Variants in TARS3 observed in about 807,000 individuals in gnomAD.
TARS3 encodes the protein threonyl-tRNA synthetase 3.
TARS3 carries 94 observed loss-of-function variants against 103.5 expected under a neutral mutation model. That is an observed-to-expected ratio of 0.91 (90% confidence interval 0.77 to 1.08). The LOEUF (loss-of-function observed/expected upper bound fraction) is 1.08, where lower values mean the gene tolerates loss of function less well. Among genes scored for constraint, TARS3 ranks in the 50% least tolerant of loss-of-function variants. The probability of loss-of-function intolerance (pLI) is 0.00; values close to 1 mark genes in which losing one functional copy is unlikely to be tolerated. For synonymous variants in TARS3, 416 were observed against 355.4 expected (o/e 1.17, Z -1.92); for missense variants, 952 against 995.2 (o/e 0.96, Z 0.58).
chr15:101,706,319 A>G (rs116619025), intron 6 of TARS3, among the ~76,000 whole-genome samples: 1 of 152,224 alleles, frequency 6.6e-6, no homozygotes, highest in African/African-American at 2.4e-5. Context: ...GAAGATGTGC[A>G]GTGAGTATAA....
chr15:101,657,742 T>C (rs1420765828), intron 17 of TARS3, 43 bp downstream of exon 17: 1 of 1,346,920 alleles, frequency 7.4e-7, no homozygotes, highest in Non-Finnish European at 1.0e-6. Context: ...CTACACAGAA[T>C]ACATGCAAGA....
chr15:101,683,122 CTCTT>C (rs1362183013), intron 12 of TARS3, among the ~76,000 whole-genome samples: 2 of 152,026 alleles, frequency 1.3e-5, no homozygotes, highest in African/African-American at 4.8e-5. Flanking sequence ...TTCTGCTCTG[CTCTT>C]TCTTATTTTC....
In TARS3 at chr15:101,655,312, G is replaced by C. The variant is rs578894; in HGVS notation, c.2261-582C>G. Among the ~76,000 whole-genome samples, 642 of 78,542 alleles carry C rather than the reference G, an allele frequency of 8.2e-3. 8 individuals are homozygous for C. Among genetic ancestry groups the C allele is most frequent in the African/African-American group, 0.013 (230 of 17,260 alleles). The allele number at this position is 78,542 out of a possible 152,430, so 51.5% of individuals were successfully genotyped here. ...CCTGGCACTAGGGCGCAGATGAGAGGGGGGAGCTCTTACAGGCTCACACTG... is the reference window on the plus strand; with the variant it reads ...CCTGGCACTAGGGCGCAGATGAGAGCGGGGAGCTCTTACAGGCTCACACTG... On this transcript the variant is annotated intron_variant, in intron 18 of 18. Transcript: ENST00000335968.
chr15:101,655,418 A>G (rs1395486105), intron 18 of TARS3, among the ~76,000 whole-genome samples: 34 of 123,184 alleles, frequency 2.8e-4, no homozygotes, highest in African/African-American at 6.3e-4. Context: ...CTAGGGCGCA[A>G]ATGAGAGCGG....
intron 3 of TARS3, among the ~76,000 whole-genome samples, chr15:101,716,783 G>A (rs958898691): frequency 5.3e-5 from 8 of 151,572 alleles, no homozygotes; most frequent in African/African-American, 1.7e-4. Context: ...TACTAGCAGA[G>A]TTACAAGAGT....
At chr15:101,702,681 G>A (rs1899343322) in intron 8 of TARS3, among the ~76,000 whole-genome samples, 1 of 152,168 alleles carries the variant, frequency 6.6e-6, no homozygotes, top group African/African-American at 2.4e-5. Context: ...GGGGCAGGAG[G>A]ACTGTTTGAG....
chr15:101,715,110 C>A, intron 3 of TARS3, 147 bp from the exon 4 acceptor site: 2 of 678,074 alleles, frequency 2.9e-6, no homozygotes, highest in Non-Finnish European at 4.3e-6. Flanking sequence ...TCTTGTTTTG[C>A]AATATTTATT....
chr15:101,691,817 TCCC>T, intron 10 of TARS3, among the ~76,000 whole-genome samples: 1 of 150,922 alleles, frequency 6.6e-6, no homozygotes, highest in East Asian at 2.0e-4. Context: ...TTGATCTATA[TCCC>T]CCCATTTCTT....
chr15:101,715,976 T>C (rs1900136378), intron 3 of TARS3, among the ~76,000 whole-genome samples: 1 of 152,248 alleles, frequency 6.6e-6, no homozygotes, highest in Non-Finnish European at 1.5e-5. Flanking sequence ...TGGTTCATGC[T>C]TACAAGCTAT....
chr15:101,708,004 G>T (rs1229581143), intron 6 of TARS3, among the ~76,000 whole-genome samples: 2 of 152,026 alleles, frequency 1.3e-5, no homozygotes, highest in African/African-American at 2.4e-5. Flanking sequence ...AGCACTTTAG[G>T]AGGCTGAGGG....
intron 4 of TARS3, among the ~76,000 whole-genome samples, chr15:101,713,263 G>C (rs932304546): frequency 1.3e-5 from 2 of 152,188 alleles, no homozygotes; most frequent in African/African-American, 4.8e-5. Flanking sequence ...GAAGGCCTGT[G>C]TGACTAACAC....
intron 13 of TARS3, among the ~76,000 whole-genome samples, chr15:101,674,203 A>G (rs1394898913): frequency 6.6e-6 from 1 of 152,158 alleles, no homozygotes; most frequent in East Asian, 1.9e-4. Flanking sequence ...TATCAAATCA[A>G]CTATGCAGTA....
At chr15:101,692,874 C>T (rs1050244799) in intron 10 of TARS3, among the ~76,000 whole-genome samples, 2 of 152,196 alleles carry the variant, frequency 1.3e-5, no homozygotes, top group African/African-American at 2.4e-5. Context: ...TGTTTTGAGG[C>T]CTGCCATGTT....
intron 10 of TARS3, among the ~76,000 whole-genome samples, chr15:101,689,188 G>A (rs902330642): frequency 6.6e-6 from 1 of 152,134 alleles, no homozygotes; most frequent in African/African-American, 2.4e-5. Flanking sequence ...CAATTACTGG[G>A]AGAAGTCGTA....
chr15:101,716,924 T>C (rs1596329975), intron 3 of TARS3, among the ~76,000 whole-genome samples: 1 of 150,120 alleles, frequency 6.7e-6, no homozygotes, highest in East Asian at 2.0e-4. Flanking sequence ...AGGTGCAATG[T>C]CGGCTCACTG....
chr15:101,669,403 T>G (rs1306674168), intron 15 of TARS3, among the ~76,000 whole-genome samples: 1 of 152,244 alleles, frequency 6.6e-6, no homozygotes, highest in African/African-American at 2.4e-5. Context: ...AAGCTAAGCT[T>G]AATTAACTAT....
At chr15:101,700,842 A>G (rs1005138146) in intron 10 of TARS3, among the ~76,000 whole-genome samples, 5 of 152,102 alleles carry the variant, frequency 3.3e-5, no homozygotes, top group Admixed American at 6.5e-5. Flanking sequence ...GGGTTTCACC[A>G]TGTTGGCCAG....
At chr15:101,671,141 T>C (rs547418951) in intron 15 of TARS3, among the ~76,000 whole-genome samples, 113 of 152,278 alleles carry the variant, frequency 7.4e-4, no homozygotes, top group South Asian at 2.1e-3. Flanking sequence ...TTGCCTTTTT[T>C]CCCCTGCTTT....
chr15:101,711,092 A>C (rs1899843567), intron 5 of TARS3, among the ~76,000 whole-genome samples: 1 of 152,208 alleles, frequency 6.6e-6, no homozygotes, highest in Admixed American at 6.5e-5. Flanking sequence ...TGTTTGGCTG[A>C]GGTTAATGAG....
Sources: allele counts gnomAD v4.1 joint callset (sites outside exome capture counted in the v4.1 genomes callset), GRCh38; gene constraint gnomAD v4.1.1; transcripts MANE v1.5; gene names NCBI Gene and HGNC (gene_info 2026-07-23, HGNC 2026-07-21).